The following TENM3 variants were observed in gnomAD, a reference collection of about 807,000 sequenced individuals.
TENM3 encodes the protein teneurin-3.
Under a neutral mutation model 255.1 loss-of-function variants are expected in TENM3, and 63 were observed. The ratio of observed to expected loss-of-function variants is 0.25; its 90% CI spans 0.20 to 0.30. The LOEUF is 0.30. Ranked by LOEUF, TENM3 falls within the 10% of genes least tolerant of loss-of-function variation. The probability of loss-of-function intolerance (pLI) is 1.00; values close to 1 mark genes in which losing one functional copy is unlikely to be tolerated. For synonymous variants in TENM3, 1,306 were observed against 1,322.3 expected, an observed-to-expected ratio of 0.99 and a Z score of 0.27; for missense variants, 2,929 against 3,461.1, an observed-to-expected ratio of 0.85 and a Z score of 3.86.
intron 2 of TENM3, among the ~76,000 whole-genome samples, chr4:182,338,304 T>C (rs917910583): frequency 6.6e-6 from 1 of 152,184 alleles, no homozygotes; most frequent in African/African-American, 2.4e-5. Context: ...CGCACTATAA[T>C]GTTTTGCTGG....
chr4:182,461,035 C>A (rs1774284219), intron 3 of TENM3, among the ~76,000 whole-genome samples: 1 of 152,170 alleles, frequency 6.6e-6, no homozygotes, highest in Non-Finnish European at 1.5e-5. Flanking sequence ...AGACTAATTT[C>A]TTTCCACTTA....
At chr4:182,655,285 G>A (rs184578644) in intron 6 of TENM3, among the ~76,000 whole-genome samples, 1 of 152,240 alleles carries the variant, frequency 6.6e-6, no homozygotes, top group African/African-American at 2.4e-5. Context: ...TACATGTAGG[G>A]AACTTTTTTA....
the TENM3 span, among the ~76,000 whole-genome samples, chr4:182,117,303 C>T: frequency 6.6e-6 from 1 of 152,260 alleles, no homozygotes; most frequent in Admixed American, 6.5e-5. Flanking sequence ...CCCAGCTTAT[C>T]AATTCTTTCT....
chr4:182,051,144 C>T, the TENM3 span, among the ~76,000 whole-genome samples: 1 of 151,690 alleles, frequency 6.6e-6, no homozygotes, highest in Non-Finnish European at 1.5e-5. Flanking sequence ...AGGAGTTCAA[C>T]ACCAGCCTGA....
At chr4:182,661,192 A>ATTTTTTTTTTTT (rs35208231) in intron 6 of TENM3, among the ~76,000 whole-genome samples, 1 of 88,596 alleles carries the variant, frequency 1.1e-5, no homozygotes, top group African/African-American at 4.6e-5. Context: ...TTAAATTTTA[A>ATTTTTTTTTTTT]TTTTTTTTTT....
rs71605083 is a variant in TENM3, at chr4:182,706,959, CA to C, written c.2222-7115del. Among the ~76,000 whole-genome samples the C allele has an allele frequency of 2.7e-3, 335 of 125,968 alleles. 3 individuals are homozygous for C. Among genetic ancestry groups the C allele is most frequent in the South Asian group, 9.0e-3 (34 of 3,792 alleles). 82.6% of individuals were successfully genotyped at this position (125,968 alleles called of 152,430 possible). ...GGGTGACAGAGTGAGACCCTGTATC[CA>C]AAAAAAAAAAAACAAAAAGACTCTG... On this transcript the variant is annotated intron_variant, in intron 12 of 27. Coordinates refer to ENST00000511685, the MANE Select transcript of TENM3 (RefSeq NM_001080477.4).
the TENM3 span, among the ~76,000 whole-genome samples, chr4:181,463,522 T>G: frequency 6.6e-6 from 1 of 152,332 alleles, no homozygotes; most frequent in Non-Finnish European, 1.5e-5. Flanking sequence ...TGTGTTTATT[T>G]AAGAACTATA....
At chr4:181,924,214 G>A in the TENM3 span, among the ~76,000 whole-genome samples, 1 of 152,166 alleles carries the variant, frequency 6.6e-6, no homozygotes, top group African/African-American at 2.4e-5. Context: ...AACCCACTGT[G>A]CATATAGCAT....
chr4:181,557,784 G>A, the TENM3 span, among the ~76,000 whole-genome samples: 1 of 152,118 alleles, frequency 6.6e-6, no homozygotes, highest in African/African-American at 2.4e-5. Flanking sequence ...GCCTGACTTG[G>A]CCTCTCAAAG....
At chr4:182,012,728 C>T in the TENM3 span, 1 of 152,166 alleles carries the variant, frequency 6.6e-6, no homozygotes, top group African/African-American at 2.4e-5. Context: ...ACTGCTGCAG[C>T]TCTGGGTCTC....
At chr4:182,013,868 A>G in the TENM3 span, among the ~76,000 whole-genome samples, 1 of 150,336 alleles carries the variant, frequency 6.7e-6, no homozygotes, top group Non-Finnish European at 1.5e-5. Context: ...TTTATGTGCT[A>G]TATGTAATAC....
At chr4:182,003,237 G>C in the TENM3 span, among the ~76,000 whole-genome samples, 7 of 152,088 alleles carry the variant, frequency 4.6e-5, no homozygotes, top group African/African-American at 1.7e-4. Flanking sequence ...CATCTTCTCA[G>C]AATTCTTGGA....
chr4:182,152,299 T>C (rs749904173), intron 1 of TENM3, among the ~76,000 whole-genome samples: 1 of 151,938 alleles, frequency 6.6e-6, no homozygotes, highest in Non-Finnish European at 1.5e-5. Flanking sequence ...TATTTCTGCT[T>C]TAAATTTCAA....
chr4:181,774,019 T>C, the TENM3 span, among the ~76,000 whole-genome samples: 1 of 142,442 alleles, frequency 7.0e-6, no homozygotes, highest in Non-Finnish European at 1.5e-5. Flanking sequence ...TTTTTTTTTT[T>C]TTTTTTTTTA....
At chr4:182,324,282 A>G in intron 2 of TENM3, 30 bp downstream of exon 2, 1 of 1,497,740 alleles carries the variant, frequency 6.7e-7, no homozygotes, top group Non-Finnish European at 9.3e-7. Flanking sequence ...AAATAAGGCA[A>G]TGCTCACGTT....
At chr4:182,252,713 T>A (rs1758101468) in intron 1 of TENM3, among the ~76,000 whole-genome samples, 1 of 152,198 alleles carries the variant, frequency 6.6e-6, no homozygotes, top group Non-Finnish European at 1.5e-5. Context: ...GTACTTTAGC[T>A]GAGAAATTTT....
chr4:181,731,450 C>T, the TENM3 span, among the ~76,000 whole-genome samples: 13 of 152,256 alleles, frequency 8.5e-5, no homozygotes, highest in Admixed American at 2.6e-4. Flanking sequence ...CTCTCAGGTT[C>T]AAGCAATCCT....
intron 1 of TENM3, among the ~76,000 whole-genome samples, chr4:182,198,428 G>A (rs1319775179): frequency 6.6e-6 from 1 of 152,240 alleles, no homozygotes; most frequent in Non-Finnish European, 1.5e-5. Context: ...TGAGAAAGAG[G>A]TGTGCCTCAG....
At chr4:181,995,715 G>A in the TENM3 span, among the ~76,000 whole-genome samples, 180 of 152,152 alleles carry the variant, frequency 1.2e-3, no homozygotes, top group Admixed American at 2.0e-3. Context: ...TAGCTTCTGC[G>A]TTCAGTATTT....
Sources: gnomAD v4.1 joint callset for allele counts (sites outside exome capture counted in the v4.1 genomes callset) on GRCh38, gnomAD v4.1.1 for gene constraint, MANE v1.5 for transcripts, NCBI Gene and HGNC (gene_info 2026-07-23, HGNC 2026-07-21) for gene names.